LASP1: variants seen among roughly 807,000 people sequenced by gnomAD.
The protein encoded by LASP1 is LIM and SH3 protein 1, also known as LIM and SH3 domain protein 1.
In LASP1, 10 loss-of-function variants were observed where a neutral mutation model predicts 38.6. The observed-to-expected ratio is 0.26, with a 90% CI of 0.16 to 0.44. LASP1 has a LOEUF of 0.44. LASP1 is among the 20% of genes least tolerant of loss of function. LASP1 has a pLI of 1.00. For missense variants in LASP1, 243 were observed against 375.7 expected (o/e 0.65, Z 2.92); for synonymous variants, 132 against 140.8 (o/e 0.94, Z 0.44).
At position 38,918,351 on chromosome 17, in the gene LASP1, TG is replaced by T. The variant is rs1915194246; in HGVS notation, c.613-250del. 6.6e-6 allele frequency among the ~76,000 whole-genome samples: 1 copy of T among 152,186 alleles called. No individual in the cohort carries two copies. The highest frequency in any genetic ancestry group is 1.5e-5 in the Non-Finnish European group (1 of 68,012). ...CTTACTGCAGTCCTGTTCAGGGAGG[TG>T]GGGCAGAGCTGATGTGACCCGGTCC... On this transcript the variant is annotated intron_variant, in intron 6 of 6. Transcript: ENST00000318008. This position sits in a 1 kb window ranked among gnomAD's most constrained non-coding sequence, Gnocchi z 4.4.
At chr17:38,883,957 G>T (rs553288171) in intron 2 of LASP1, among the ~76,000 whole-genome samples, 1 of 151,828 alleles carries the variant, frequency 6.6e-6, no homozygotes, top group Admixed American at 6.6e-5. Context: ...TCCCGCCTGT[G>T]GGCAGCCTTC....
At chr17:38,900,874 G>A (rs531391301) in intron 4 of LASP1, among the ~76,000 whole-genome samples, 33 of 152,174 alleles carry the variant, frequency 2.2e-4, no homozygotes, top group Non-Finnish European at 4.1e-4. Flanking sequence ...TTATATGCTA[G>A]GGCCTGGCCT....
intron 4 of LASP1, among the ~76,000 whole-genome samples, chr17:38,906,843 C>A (rs1465461809): frequency 2.0e-5 from 3 of 152,152 alleles, no homozygotes; most frequent in Non-Finnish European, 4.4e-5. Flanking sequence ...GGTCCTTAGG[C>A]CTGGACCCCT....
intron 6 of LASP1, 42 bp downstream of exon 6, chr17:38,915,188 G>T: frequency 6.5e-7 from 1 of 1,538,808 alleles, no homozygotes; most frequent in Non-Finnish European, 9.0e-7. Context: ...GAGGCAGGGG[G>T]TCCTTCGGGA....
intron 1 of LASP1, among the ~76,000 whole-genome samples, chr17:38,874,860 T>G: frequency 6.6e-6 from 1 of 151,380 alleles, no homozygotes; most frequent in African/African-American, 2.4e-5. Flanking sequence ...CCTGGAGGGG[T>G]CTTTGGAACC....
intron 2 of LASP1, among the ~76,000 whole-genome samples, chr17:38,878,632 G>A (rs888554349): frequency 1.3e-5 from 2 of 152,066 alleles, no homozygotes; most frequent in Non-Finnish European, 2.9e-5. Context: ...CCTCAAAATC[G>A]ACAGTTTCCT....
At chr17:38,876,431 G>A (rs1913779470) in intron 1 of LASP1, among the ~76,000 whole-genome samples, 1 of 151,624 alleles carries the variant, frequency 6.6e-6, no homozygotes, top group African/African-American at 2.4e-5. Context: ...CATGATCTCA[G>A]CTCACCGCAA....
chr17:38,915,452 C>T lies in LASP1; in HGVS notation c.612+306C>T, dbSNP rs1033904856. 5.7e-5 allele frequency: 15 copies of T among 263,686 alleles called. No individual in the cohort carries two copies. In the Admixed American group the frequency reaches 7.3e-4, roughly 13 times the overall value. 16.3% of individuals were successfully genotyped at this position (263,686 alleles called of 1,614,324 possible). ...ACTTTCTGCATGGGGCCTTCCAGCA[C>T]TGGGCGCTGCTCTCCTCGCTTCATG... On this transcript the variant is annotated intron_variant, in intron 6 of 6. Transcript: ENST00000318008.
At chr17:38,908,066 C>T (rs1914821618) in intron 4 of LASP1, among the ~76,000 whole-genome samples, 1 of 152,198 alleles carries the variant, frequency 6.6e-6, no homozygotes, top group African/African-American at 2.4e-5. Context: ...GCTCTCCTCC[C>T]AGAGGAAAAG....
intron 3 of LASP1, among the ~76,000 whole-genome samples, chr17:38,893,765 T>C (rs1028567918): frequency 6.6e-6 from 1 of 152,170 alleles, no homozygotes; most frequent in Non-Finnish European, 1.5e-5. Context: ...TTGGAAGGGC[T>C]GAGCCGGCCA....
chr17:38,889,257 A>T (rs1431304801), intron 2 of LASP1, among the ~76,000 whole-genome samples: 1 of 152,146 alleles, frequency 6.6e-6, no homozygotes, highest in Non-Finnish European at 1.5e-5. Flanking sequence ...CAGCCTCCTG[A>T]GTAGCTGGGA....
intron 1 of LASP1, among the ~76,000 whole-genome samples, chr17:38,872,079 C>T (rs148223741): frequency 3.0e-4 from 45 of 152,230 alleles, no homozygotes; most frequent in African/African-American, 1.0e-3. Context: ...GCAGGATTGC[C>T]ACTCCAGGAG....
Position 38,890,552 on chromosome 17 carries a change from AGGGAAGTT to A in LASP1, c.249+50_249+57del, listed in dbSNP as rs929050764. On this transcript the variant is annotated intron_variant, in intron 3 of 6. Transcript: ENST00000318008. Reference sequence around the variant, plus strand: ...GGCCTGGCAGGGAGGGATGCTGGGGAGGGAAGTTGTAAGGTCGGCATTTGGCAAGAGTA... The same window carrying A: ...GGCCTGGCAGGGAGGGATGCTGGGGAGTAAGGTCGGCATTTGGCAAGAGTA... 4 of 1,556,282 alleles carry A rather than the reference AGGGAAGTT, an allele frequency of 2.6e-6. No individual in the cohort carries two copies. In the African/African-American group the frequency reaches 4.1e-5, roughly 16 times the overall value.
chr17:38,894,615 G>A (rs1355471968), intron 3 of LASP1, among the ~76,000 whole-genome samples: 1 of 152,188 alleles, frequency 6.6e-6, no homozygotes, highest in Non-Finnish European at 1.5e-5. Context: ...CCGGAAAGGA[G>A]AGGAAATGGA....
At chr17:38,911,634 G>GC (rs1222139157) in intron 4 of LASP1, among the ~76,000 whole-genome samples, 1 of 152,192 alleles carries the variant, frequency 6.6e-6, no homozygotes, top group Non-Finnish European at 1.5e-5. Context: ...CAGGGCATGG[G>GC]CCCCGTGTCT....
intron 2 of LASP1, among the ~76,000 whole-genome samples, chr17:38,881,429 G>A (rs997972095): frequency 1.3e-5 from 2 of 152,040 alleles, no homozygotes; most frequent in African/African-American, 4.8e-5. Flanking sequence ...GGCATGTGGC[G>A]CCATGCTAAT....
intron 1 of LASP1, among the ~76,000 whole-genome samples, chr17:38,874,859 G>C (rs1913715598): frequency 1.3e-5 from 2 of 152,252 alleles, no homozygotes; most frequent in East Asian, 3.9e-4. Context: ...GCCTGGAGGG[G>C]TCTTTGGAAC....
chr17:38,907,644 C>G (rs1011089741), intron 4 of LASP1, among the ~76,000 whole-genome samples: 11 of 152,158 alleles, frequency 7.2e-5, no homozygotes, highest in African/African-American at 2.7e-4. Context: ...AGCTGTACAG[C>G]TGCAGAGGTT....
intron 4 of LASP1, chr17:38,899,032 G>A (rs957026791): frequency 1.8e-5 from 6 of 340,400 alleles, no homozygotes; most frequent in Admixed American, 7.7e-5. Context: ...CACACCCCCC[G>A]CCTCCCTGAT....
Sources: gnomAD v4.1 joint callset for allele counts (sites outside exome capture counted in the v4.1 genomes callset) on GRCh38, gnomAD v4.1.1 for gene constraint, Gnocchi (gnomAD v3.1) non-coding constraint, MANE v1.5 for transcripts, NCBI Gene and HGNC (gene_info 2026-07-23, HGNC 2026-07-21) for gene names.